Variants in RNF19A observed in about 807,000 individuals in gnomAD.
RNF19A encodes the protein ring finger protein 19A, RBR E3 ubiquitin protein ligase, also known as E3 ubiquitin-protein ligase RNF19A.
A neutral mutation model predicts 75.7 loss-of-function variants in RNF19A; 32 were observed. The observed-to-expected ratio is 0.42, with a 90% CI of 0.32 to 0.57. The LOEUF is 0.57. Among genes scored for constraint, RNF19A ranks in the 20% least tolerant of loss-of-function variants. The pLI is 0.10. For synonymous variants in RNF19A, 335 were observed against 345.2 expected, an observed-to-expected ratio of 0.97 and a Z score of 0.33; for missense variants, 782 against 1,036.3, an observed-to-expected ratio of 0.75 and a Z score of 3.37.
In RNF19A at chr8:100,331,074, G is replaced by A. The variant is rs528645163; in HGVS notation, c.-243+5034C>T. ...CTCCACTTTTCTACCCTTTAGGTTA[G>A]AATCCTAATCTCCTATCTAACACAT... On this transcript the variant is annotated intron_variant, in intron 1 of 3. Coordinates refer to the RNF19A transcript ENST00000519527. This position sits in a 1 kb window ranked among gnomAD's most constrained non-coding sequence, Gnocchi z 5.2. Among the ~76,000 whole-genome samples, 4 of 152,258 alleles carry A rather than the reference G, an allele frequency of 2.6e-5. No individual in the cohort carries two copies. The East Asian group carries it at 7.7e-4, about 29-fold the overall frequency.
At chr8:100,326,479 T>G (rs573736123) in intron 1 of RNF19A, among the ~76,000 whole-genome samples, 1 of 152,306 alleles carries the variant, frequency 6.6e-6, no homozygotes, top group Non-Finnish European at 1.5e-5. Flanking sequence ...CAGAGGGTAT[T>G]ATACTAGAGA....
chr8:100,260,012 T>G lies in RNF19A; in HGVS notation c.1683-15A>C, dbSNP rs766050731. The G allele has an allele frequency of 1.9e-6, 3 of 1,609,186 alleles. No homozygotes were observed. The highest frequency in any genetic ancestry group is 2.7e-5 in the African/African-American group (2 of 74,760). On this transcript the variant is annotated splice_polypyrimidine_tract_variant and intron_variant, in intron 8 of 9. Transcript: ENST00000341084. This position sits in a 1 kb window ranked among gnomAD's most constrained non-coding sequence, Gnocchi z 4.1. ...GTACTTCCAACCTTAAAGGGGGGTA[T>G]GAAATCACCAAAATTATATTTAATA...
At chr8:100,294,401 T>C (rs1821450237) in intron 1 of RNF19A, among the ~76,000 whole-genome samples, 1 of 152,160 alleles carries the variant, frequency 6.6e-6, no homozygotes, top group Non-Finnish European at 1.5e-5. Flanking sequence ...TTAGCTAAAA[T>C]CTCTATTTAG....
chr8:100,332,690 C>A lies in RNF19A; in HGVS notation c.-243+3418G>T, dbSNP rs1465399832. On this transcript the variant is annotated intron_variant, in intron 1 of 3. Transcript: ENST00000519527. This position sits in a 1 kb window ranked among gnomAD's most constrained non-coding sequence, Gnocchi z 4.8. ...GTATTATTAAACATTTTGGTCTTTG[C>A]AAATTTGTTAAAATGTTATCTCATT... is the stretch of plus-strand genomic sequence containing the variant. Among the ~76,000 whole-genome samples, 1 of 152,190 alleles carries A rather than the reference C, an allele frequency of 6.6e-6. No individual in the cohort carries two copies. The highest frequency in any genetic ancestry group is 1.5e-5 in the Non-Finnish European group (1 of 68,018).
At chr8:100,294,293 C>T (rs1446910636) in intron 1 of RNF19A, among the ~76,000 whole-genome samples, 1 of 152,152 alleles carries the variant, frequency 6.6e-6, no homozygotes, top group Non-Finnish European at 1.5e-5. Context: ...TGGTTTTATG[C>T]TCTTTTAGAG....
At chr8:100,306,865 G>A (rs984431859) in intron 1 of RNF19A, among the ~76,000 whole-genome samples, 3 of 151,978 alleles carry the variant, frequency 2.0e-5, no homozygotes, top group African/African-American at 4.8e-5. Context: ...CCTAGTTGGA[G>A]AAAAAAAATT....
upstream of RNF19A, among the ~76,000 whole-genome samples, chr8:100,312,865 C>T (rs577868629): frequency 7.2e-5 from 11 of 151,792 alleles, no homozygotes; most frequent in African/African-American, 2.2e-4. Flanking sequence ...GAGGTTGCAG[C>T]GAGCTGAGAT....
In RNF19A at chr8:100,331,624, G is replaced by C. The variant is rs892892470; in HGVS notation, c.-243+4484C>G. Among the ~76,000 whole-genome samples the C allele has an allele frequency of 6.6e-6, 1 of 152,122 alleles. No homozygotes were observed. The highest frequency in any genetic ancestry group is 2.4e-5 in the African/African-American group (1 of 41,426). On this transcript the variant is annotated intron_variant, in intron 1 of 3. Transcript: ENST00000519527. The surrounding 1 kb of genome is among the most constrained non-coding windows in gnomAD (Gnocchi z 5.2). ...TGCACTCCAGCCTGGGTAACAGAGA[G>C]AGACAAACAAACAAAACAAAACAAA...
intron 3 of RNF19A, among the ~76,000 whole-genome samples, chr8:100,274,612 T>C (rs1820414166): frequency 6.6e-6 from 1 of 152,176 alleles, no homozygotes; most frequent in African/African-American, 2.4e-5. Flanking sequence ...CTCGAACTCC[T>C]GGCCTTAAGT....
rs1822516175 is a variant in RNF19A at position 100,325,105 on chromosome 8, A to T, written c.-243+11003T>A. On this transcript the variant is annotated intron_variant, in intron 1 of 3. Coordinates refer to the RNF19A transcript ENST00000519527. The surrounding 1 kb of genome is among the most constrained non-coding windows in gnomAD (Gnocchi z 4.3). Reference sequence around the variant, plus strand: ...GTATTTTTAGTAGAGATGGGGTTTCACCATGTTGGTCAGGCTGGTCTCGAA... The same window carrying T: ...GTATTTTTAGTAGAGATGGGGTTTCTCCATGTTGGTCAGGCTGGTCTCGAA... Among the ~76,000 whole-genome samples, 1 of 152,092 alleles carries T rather than the reference A, an allele frequency of 6.6e-6. No homozygotes were observed. The highest frequency in any genetic ancestry group is 2.1e-4 in the South Asian group (1 of 4,828).
Position 100,309,272 on chromosome 8 carries a change from G to A in RNF19A, c.-94+595C>T, listed in dbSNP as rs372679003. The A allele has an allele frequency of 8.3e-5, 81 of 976,886 alleles. 1 individual carries two copies. The highest frequency in any genetic ancestry group is 3.4e-4 in the East Asian group (3 of 8,750). The allele number at this position is 976,886 out of a possible 1,614,324, so 60.5% of individuals were successfully genotyped here. ...GTGATGTGTAATTTTTGCTTTTGAA[G>A]GAGGTGGTAGCAGTCCCGGACTAAC... On this transcript the variant is annotated intron_variant, in intron 1 of 9. Coordinates refer to ENST00000341084, the MANE Select transcript of RNF19A (RefSeq NM_183419.4).
In RNF19A at chr8:100,333,230, C is replaced by T. The variant is rs987458830; in HGVS notation, c.-243+2878G>A. ...GCCATGTAATGATGTAGCAAGATGG[C>T]CCTCATCAGATGTGCCCACTCAACC... is the stretch of plus-strand genomic sequence containing the variant. On this transcript the variant is annotated intron_variant, in intron 1 of 3. Coordinates refer to the RNF19A transcript ENST00000519527. The surrounding 1 kb of genome is among the most constrained non-coding windows in gnomAD (Gnocchi z 4.7). Among the ~76,000 whole-genome samples, 3 of 152,172 alleles carry T rather than the reference C, an allele frequency of 2.0e-5. No individual in the cohort carries two copies. The highest frequency in any genetic ancestry group is 4.4e-5 in the Non-Finnish European group (3 of 68,026).
Position 100,264,162 on chromosome 8 carries a change from T to TG in RNF19A, c.1339_1340insC (p.Tyr447SerfsTer25). 1 of 1,613,568 alleles carries TG rather than the reference T, an allele frequency of 6.2e-7. No individual in the cohort carries two copies. The highest frequency in any genetic ancestry group is 8.5e-7 in the Non-Finnish European group (1 of 1,179,686). On this transcript the variant is annotated frameshift_variant, in exon 7 of 10. Coordinates refer to ENST00000341084, the MANE Select transcript of RNF19A (RefSeq NM_183419.4). LOFTEE classifies it high-confidence loss of function. This position sits in a 1 kb window ranked among gnomAD's most constrained non-coding sequence, Gnocchi z 4.7. Reference sequence around the variant, plus strand: ...ACAAAGAGAAATTGGAACTACGCCATAGACATAAGCTAACATAATAGGAAC... The same window carrying TG: ...ACAAAGAGAAATTGGAACTACGCCATGAGACATAAGCTAACATAATAGGAAC...
intron 3 of RNF19A, among the ~76,000 whole-genome samples, chr8:100,271,153 T>C (rs1181987633): frequency 6.6e-6 from 1 of 151,472 alleles, no homozygotes; most frequent in Non-Finnish European, 1.5e-5. Context: ...GGACCAAAGA[T>C]GCTTTTTTTT....
In RNF19A at chr8:100,329,573, A is replaced by T. The variant is rs1342800660; in HGVS notation, c.-243+6535T>A. Among the ~76,000 whole-genome samples, 1 of 152,214 alleles carries T rather than the reference A, an allele frequency of 6.6e-6. No homozygotes were observed. Among genetic ancestry groups the T allele is most frequent in the Non-Finnish European group, 1.5e-5 (1 of 68,048 alleles). ...ATGGTCAGGCCTCATCTGGAGGCTT[A>T]TATTTAAGCACATTTTAAAGAGAGA... On this transcript the variant is annotated intron_variant, in intron 1 of 3. Coordinates refer to the RNF19A transcript ENST00000519527. The surrounding 1 kb of genome is among the most constrained non-coding windows in gnomAD (Gnocchi z 4.3).
chr8:100,331,246 C>A lies in RNF19A; in HGVS notation c.-243+4862G>T, dbSNP rs1474347423. ...GTTTGGAGAGAATCCAAGTGGCCGTCCTTTTGAACCTTGATTTCACATAAT... is the reference window on the plus strand; with the variant it reads ...GTTTGGAGAGAATCCAAGTGGCCGTACTTTTGAACCTTGATTTCACATAAT... On this transcript the variant is annotated intron_variant, in intron 1 of 3. Transcript: ENST00000519527. This position sits in a 1 kb window ranked among gnomAD's most constrained non-coding sequence, Gnocchi z 5.2. 3.3e-5 allele frequency among the ~76,000 whole-genome samples: 5 copies of A among 152,224 alleles called. No individual in the cohort carries two copies.
At chr8:100,312,066 A>G (rs942163300), upstream of RNF19A, among the ~76,000 whole-genome samples, 1 of 152,220 alleles carries the variant, frequency 6.6e-6, no homozygotes, top group Non-Finnish European at 1.5e-5. Flanking sequence ...TCATTCACCC[A>G]GACACAAGCC....
At chr8:100,308,814 G>C (rs1822167134) in intron 1 of RNF19A, among the ~76,000 whole-genome samples, 1 of 152,190 alleles carries the variant, frequency 6.6e-6, no homozygotes, top group Non-Finnish European at 1.5e-5. Context: ...ATCTAGGTTT[G>C]AAAATTGCAA....
intron 1 of RNF19A, among the ~76,000 whole-genome samples, chr8:100,293,233 G>T (rs1389850281): frequency 6.6e-6 from 1 of 152,086 alleles, no homozygotes; most frequent in African/African-American, 2.4e-5. Context: ...CTTTTCATCT[G>T]GTGTCATGTA....
Sources: gnomAD v4.1 joint callset for allele counts (sites outside exome capture counted in the v4.1 genomes callset) on GRCh38, gnomAD v4.1.1 for gene constraint, Gnocchi (gnomAD v3.1) non-coding constraint, MANE v1.5 for transcripts, NCBI Gene and HGNC (gene_info 2026-07-23, HGNC 2026-07-21) for gene names.